The following DOCK4 variants were observed in gnomAD, a reference collection of about 807,000 sequenced individuals.
The protein encoded by DOCK4 is dedicator of cytokinesis protein 4.
A neutral mutation model predicts 268.1 loss-of-function variants in DOCK4; 97 were observed. The ratio of observed to expected loss-of-function variants is 0.36; its 90% CI spans 0.31 to 0.43. The LOEUF (loss-of-function observed/expected upper bound fraction) is 0.43, where lower values mean the gene tolerates loss of function less well. Among genes scored for constraint, DOCK4 ranks in the 20% least tolerant of loss-of-function variants. The probability of loss-of-function intolerance (pLI) is 1.00; values close to 1 mark genes in which losing one functional copy is unlikely to be tolerated. For missense variants in DOCK4, 2,145 were observed against 2,455.7 expected (o/e 0.87, Z 2.67); for synonymous variants, 954 against 887.2 (o/e 1.08, Z -1.34).
chr7:112,098,975 G>A (rs1810414994), intron 1 of DOCK4, among the ~76,000 whole-genome samples: 1 of 152,046 alleles, frequency 6.6e-6, no homozygotes, highest in African/African-American at 2.4e-5. Flanking sequence ...CCCATTTGCA[G>A]CCCAGAAAGG....
chr7:111,932,598 T>C (rs776907269), intron 12 of DOCK4, among the ~76,000 whole-genome samples: 1 of 152,002 alleles, frequency 6.6e-6, no homozygotes, highest in Non-Finnish European at 1.5e-5. Context: ...ATTTCCCTAG[T>C]AACCATGTCA....
intron 13 of DOCK4, among the ~76,000 whole-genome samples, chr7:111,907,816 C>T (rs1586332659): frequency 6.6e-6 from 1 of 152,110 alleles, no homozygotes; most frequent in African/African-American, 2.4e-5. Flanking sequence ...GCAGCCTCAA[C>T]CTGCTGGGCT....
chr7:111,979,751 C>T (rs1798469326), intron 7 of DOCK4, among the ~76,000 whole-genome samples: 1 of 152,150 alleles, frequency 6.6e-6, no homozygotes, highest in Admixed American at 6.6e-5. Context: ...CCTCTCTTAA[C>T]CTCAAATAGT....
At chr7:111,995,380 T>C (rs1216558895) in intron 4 of DOCK4, among the ~76,000 whole-genome samples, 1 of 151,590 alleles carries the variant, frequency 6.6e-6, no homozygotes, top group Non-Finnish European at 1.5e-5. Context: ...TATAATAATC[T>C]TCATCTCCAG....
At chr7:111,866,352 T>C (rs1041905457) in intron 22 of DOCK4, among the ~76,000 whole-genome samples, 4 of 152,194 alleles carry the variant, frequency 2.6e-5, no homozygotes, top group Non-Finnish European at 4.4e-5. Context: ...GAAACATCAA[T>C]TATCACATCA....
intron 1 of DOCK4, among the ~76,000 whole-genome samples, chr7:112,173,092 A>G (rs1325740524): frequency 1.3e-5 from 2 of 152,326 alleles, no homozygotes; most frequent in Non-Finnish European, 2.9e-5. Flanking sequence ...AACAGCTCAA[A>G]AGCCACCCAA....
At chr7:111,818,617 G>A (rs1445107804) in intron 27 of DOCK4, among the ~76,000 whole-genome samples, 1 of 152,178 alleles carries the variant, frequency 6.6e-6, no homozygotes, top group African/African-American at 2.4e-5. Flanking sequence ...TTACCTGGAT[G>A]GCTGCAGTAA....
intron 1 of DOCK4, among the ~76,000 whole-genome samples, chr7:112,085,876 G>C (rs987425041): frequency 6.6e-5 from 10 of 152,070 alleles, no homozygotes; most frequent in Admixed American, 2.6e-4. Flanking sequence ...CCAGCTATGA[G>C]ACATTTTTGC....
Position 111,868,085 on chromosome 7 carries a change from T to C in DOCK4, c.2179A>G (p.Asn727Asp). 1 of 1,613,616 alleles carries C rather than the reference T, an allele frequency of 6.2e-7. No individual in the cohort carries two copies. The highest frequency in any genetic ancestry group is 1.1e-5 in the South Asian group (1 of 91,010). The change falls in exon 22 of 53, where the codon AAC (asparagine) becomes GAC (aspartate). Residue 727 changes from asparagine (N) to aspartate (D), a missense_variant. Around this residue, in one of 2 missense-constraint regions of DOCK4, gnomAD observed 1,598 missense variants for 1,986.7 expected, o/e 0.80. Transcript: ENST00000428084. ...RLFSLATGGQ[N>D]EEEFRCCIQE... The stretch of plus-strand genomic sequence containing the variant: ...ATGCAGCAGCGGAACTCCTCTTCGT[T>C]TTGCCCACCAGTGGCAAGGGAAAAC...
intron 1 of DOCK4, among the ~76,000 whole-genome samples, chr7:112,043,903 G>C (rs1359065883): frequency 3.9e-5 from 6 of 152,024 alleles, no homozygotes; most frequent in African/African-American, 1.4e-4. Context: ...TTAAAGAAAA[G>C]ACTTTCTGAA....
At chr7:111,995,435 GTGTGTGTGTGTGTGTGTGTGTGTA>G (rs945434170) in intron 4 of DOCK4, among the ~76,000 whole-genome samples, 9 of 95,390 alleles carry the variant, frequency 9.4e-5, no homozygotes, top group Admixed American at 2.4e-4. Context: ...GTGTGTGTGT[GTGTGTGTGTGTGTGTGTGTGTGTA>G]TGTGCAGGTG....
intron 8 of DOCK4, among the ~76,000 whole-genome samples, chr7:111,972,587 T>A (rs1174316204): frequency 6.6e-6 from 1 of 152,032 alleles, no homozygotes; most frequent in African/African-American, 2.4e-5. Context: ...CACATGTTGG[T>A]CCCTCCACCT....
intron 23 of DOCK4, among the ~76,000 whole-genome samples, chr7:111,862,415 G>A (rs1805611572): frequency 7.0e-6 from 1 of 143,190 alleles, no homozygotes; most frequent in Non-Finnish European, 1.5e-5. Context: ...GTAAAAAATT[G>A]TTTACTATAT....
intron 36 of DOCK4, among the ~76,000 whole-genome samples, chr7:111,771,318 G>A (rs575538909): frequency 3.3e-5 from 5 of 152,296 alleles, no homozygotes; most frequent in South Asian, 2.1e-4. Context: ...TGGAGCCCCC[G>A]GACCCCATTA....
rs565613509 is a variant in DOCK4, at chr7:111,830,287, G to A, written c.2835+4301C>T. 7.0e-4 allele frequency among the ~76,000 whole-genome samples: 106 copies of A among 152,194 alleles called. 1 individual carries two copies. The highest frequency in any genetic ancestry group is 1.2e-3 in the South Asian group (6 of 4,816). On this transcript the variant is annotated intron_variant, in intron 26 of 52. Transcript: ENST00000428084. ...CTAAAATACAAAAAATCCGCCGGGC[G>A]TGGTGGCGCGTGCCTGTAGTCCCAG...
chr7:112,184,274 C>T (rs537956550), intron 1 of DOCK4, among the ~76,000 whole-genome samples: 4 of 152,296 alleles, frequency 2.6e-5, no homozygotes, highest in African/African-American at 9.6e-5. Flanking sequence ...GTGAAAACTG[C>T]ACACACACAG....
chr7:111,873,244 G>T (rs1430708419), intron 17 of DOCK4, among the ~76,000 whole-genome samples: 1 of 152,216 alleles, frequency 6.6e-6, no homozygotes, highest in African/African-American at 2.4e-5. Flanking sequence ...AGACATGAGG[G>T]CTTTGGTCCA....
intron 42 of DOCK4, among the ~76,000 whole-genome samples, chr7:111,751,047 G>T (rs1325074725): frequency 2.6e-5 from 4 of 152,006 alleles, no homozygotes; most frequent in African/African-American, 9.7e-5. Context: ...TCACCATTTT[G>T]CAACCCATAA....
chr7:112,007,673 T>C (rs146132896), intron 1 of DOCK4, among the ~76,000 whole-genome samples: 2,017 of 152,216 alleles, frequency 0.013, 37 homozygotes, highest in South Asian at 0.054. Flanking sequence ...TTTGAAAATA[T>C]GGTTGGCTCA....
Sources: allele counts gnomAD v4.1 joint callset (sites outside exome capture counted in the v4.1 genomes callset), GRCh38; gene constraint gnomAD v4.1.1; regional missense constraint gnomAD v4.1.1; transcripts MANE v1.5; gene names NCBI Gene and HGNC (gene_info 2026-07-23, HGNC 2026-07-21).